EIF4G3: variants seen among roughly 807,000 people sequenced by gnomAD.
The protein encoded by EIF4G3 is eukaryotic translation initiation factor 4 gamma 3.
Under a neutral mutation model 186.4 loss-of-function variants are expected in EIF4G3, and 34 were observed. The observed-to-expected ratio is 0.18, with a 90% CI of 0.14 to 0.24. The LOEUF (loss-of-function observed/expected upper bound fraction) is 0.24, where lower values mean the gene tolerates loss of function less well. EIF4G3 is among the 10% of genes least tolerant of loss of function. The pLI, the probability that EIF4G3 is intolerant of heterozygous loss-of-function variation, is 1.00. For synonymous variants in EIF4G3, 673 were observed against 679.5 expected (o/e 0.99, Z 0.15); for missense variants, 1,536 against 1,948.5 (o/e 0.79, Z 3.99).
chr1:20,901,117 C>G (rs1028643523), intron 15 of EIF4G3, among the ~76,000 whole-genome samples: 6 of 151,950 alleles, frequency 3.9e-5, no homozygotes, highest in Admixed American at 3.3e-4. Flanking sequence ...ACACCTATTC[C>G]CCCGACTAAT....
At chr1:20,814,575 T>C (rs1170258524) in intron 34 of EIF4G3, among the ~76,000 whole-genome samples, 5 of 152,140 alleles carry the variant, frequency 3.3e-5, no homozygotes, top group Non-Finnish European at 7.3e-5. Context: ...CTCAGAAGCA[T>C]GTAACTATTT....
intron 7 of EIF4G3, among the ~76,000 whole-genome samples, chr1:20,990,546 C>T (rs1477047850): frequency 1.3e-5 from 2 of 152,126 alleles, no homozygotes; most frequent in Non-Finnish European, 2.9e-5. Flanking sequence ...GTGGCACATG[C>T]CTGTAATCTC....
chr1:21,104,121 T>A lies in EIF4G3; in HGVS notation c.-271-14908A>T, dbSNP rs943880572. Among the ~76,000 whole-genome samples the A allele has an allele frequency of 3.3e-5, 5 of 152,222 alleles. No individual in the cohort carries two copies. In the South Asian group the frequency reaches 8.3e-4, roughly 25 times the overall value. ...ATGAAATACTCTGAACAATGCCGGC[T>A]ACATGACATTCAATCTGTTAATTCC... On this transcript the variant is annotated intron_variant, in intron 2 of 36. Coordinates refer to ENST00000602326, the MANE Select transcript of EIF4G3 (RefSeq NM_001391906.1).
chr1:20,895,198 G>A (rs2087562836), intron 17 of EIF4G3, among the ~76,000 whole-genome samples, 170 bp downstream of exon 17: 1 of 151,550 alleles, frequency 6.6e-6, no homozygotes, highest in Non-Finnish European at 1.5e-5. Flanking sequence ...TAACCTATAA[G>A]AAACTCAAAA....
chr1:20,860,607 C>T (rs1349756910), intron 23 of EIF4G3, 90 bp from the exon 24 acceptor site: 6 of 1,397,768 alleles, frequency 4.3e-6, no homozygotes, highest in South Asian at 1.3e-5. Flanking sequence ...TGGAAAAGTA[C>T]AAAATACCTA....
intron 2 of EIF4G3, among the ~76,000 whole-genome samples, chr1:21,113,040 TC>T (rs1342036359): frequency 4.7e-5 from 7 of 147,926 alleles, no homozygotes; most frequent in Non-Finnish European, 7.4e-5. Context: ...ATGCCTGTAA[TC>T]CCAGCACTTT....
At chr1:20,992,833 C>G (rs1473525583) in intron 7 of EIF4G3, among the ~76,000 whole-genome samples, 2 of 152,066 alleles carry the variant, frequency 1.3e-5, no homozygotes, top group Non-Finnish European at 2.9e-5. Flanking sequence ...TAACTTTAAA[C>G]CAGAACTACA....
chr1:20,865,728 G>C (rs968461252), intron 20 of EIF4G3, among the ~76,000 whole-genome samples: 3 of 152,266 alleles, frequency 2.0e-5, no homozygotes, highest in Middle Eastern at 3.4e-3. Flanking sequence ...TTATGCAGAA[G>C]TTGGGATACT....
chr1:20,974,232 T>A (rs1264709544), intron 10 of EIF4G3, among the ~76,000 whole-genome samples: 4 of 152,162 alleles, frequency 2.6e-5, no homozygotes, highest in Non-Finnish European at 5.9e-5. Flanking sequence ...CATTCTGGAA[T>A]TCACAGAATA....
intron 26 of EIF4G3, among the ~76,000 whole-genome samples, chr1:20,854,449 C>T (rs1033954201): frequency 1.3e-5 from 2 of 151,004 alleles, no homozygotes; most frequent in Admixed American, 6.6e-5. Context: ...AATCCCAGCA[C>T]GCAGGAGGCC....
At chr1:21,114,143 C>T (rs943626235) in intron 2 of EIF4G3, among the ~76,000 whole-genome samples, 1 of 151,706 alleles carries the variant, frequency 6.6e-6, no homozygotes, top group Non-Finnish European at 1.5e-5. Flanking sequence ...CACTTGAAAG[C>T]TGTACTTTTT....
In EIF4G3 at chr1:21,133,110, TAC is replaced by T. The variant is rs370734516; in HGVS notation, c.-272+43063_-272+43064del. Among the ~76,000 whole-genome samples the T allele has an allele frequency of 5.1e-3, 775 of 152,300 alleles. 7 individuals carry two copies. The highest frequency in any genetic ancestry group is 0.018 in the African/African-American group (744 of 41,574). On this transcript the variant is annotated intron_variant, in intron 2 of 36. Transcript: ENST00000602326. ...CAAATTTTTCATTATGAACATTTACTACATTTGTTTCAAATGGAAAAATATCC... is the reference window on the plus strand; with the variant it reads ...CAAATTTTTCATTATGAACATTTACTATTTGTTTCAAATGGAAAAATATCC...
chr1:20,891,700 T>C (rs2086136555), intron 18 of EIF4G3, among the ~76,000 whole-genome samples: 1 of 148,724 alleles, frequency 6.7e-6, no homozygotes, highest in Non-Finnish European at 1.5e-5. Context: ...GGCAGGAGAA[T>C]GGCGTGAACC....
At chr1:20,939,326 A>C (rs1390405607) in intron 14 of EIF4G3, among the ~76,000 whole-genome samples, 1 of 152,138 alleles carries the variant, frequency 6.6e-6, no homozygotes, top group African/African-American at 2.4e-5. Flanking sequence ...TTAAAAAAAC[A>C]GTTCTTTCTT....
At chr1:21,113,579 G>A (rs1461554233) in intron 2 of EIF4G3, among the ~76,000 whole-genome samples, 2 of 152,062 alleles carry the variant, frequency 1.3e-5, no homozygotes, top group Non-Finnish European at 2.9e-5. Context: ...TGCTGTTACA[G>A]TAAAATCAAC....
At chr1:21,088,649 G>A (rs192267281) in intron 3 of EIF4G3, among the ~76,000 whole-genome samples, 4 of 152,196 alleles carry the variant, frequency 2.6e-5, no homozygotes, top group Non-Finnish European at 4.4e-5. Context: ...TGGATCACCC[G>A]CAGTCAGGAG....
intron 2 of EIF4G3, among the ~76,000 whole-genome samples, chr1:21,130,204 G>A (rs2097127317): frequency 6.8e-6 from 1 of 147,386 alleles, no homozygotes; most frequent in African/African-American, 2.5e-5. Flanking sequence ...GGCAACACAG[G>A]AGACCCCATC....
chr1:20,841,220 A>T (rs1335657531), intron 29 of EIF4G3, 192 bp from the exon 30 acceptor site: 20 of 451,242 alleles, frequency 4.4e-5, no homozygotes, highest in Non-Finnish European at 6.8e-5. Context: ...TATGGGCAAT[A>T]TTAAAAGTCA....
At chr1:21,102,289 A>G (rs548869328) in intron 2 of EIF4G3, among the ~76,000 whole-genome samples, 1 of 152,304 alleles carries the variant, frequency 6.6e-6, no homozygotes, top group South Asian at 2.1e-4. Context: ...CGTCTCCATT[A>G]AAAATACAAA....
Sources: gnomAD v4.1 joint callset for allele counts (sites outside exome capture counted in the v4.1 genomes callset) on GRCh38, gnomAD v4.1.1 for gene constraint, MANE v1.5 for transcripts, NCBI Gene and HGNC (gene_info 2026-07-23, HGNC 2026-07-21) for gene names.